The following GRID2 variants were observed in gnomAD, a reference collection of about 807,000 sequenced individuals.
GRID2 encodes the protein glutamate ionotropic receptor delta type subunit 2.
In GRID2, 33 loss-of-function variants were observed where a neutral mutation model predicts 114.8. The observed-to-expected ratio is 0.29, with a 90% CI of 0.22 to 0.38. The LOEUF (loss-of-function observed/expected upper bound fraction) is 0.38. Ranked by LOEUF, GRID2 falls within the 10% of genes least tolerant of loss-of-function variation. The pLI, the probability that GRID2 is intolerant of heterozygous loss-of-function variation, is 1.00. For missense variants in GRID2, 1,184 were observed against 1,257.7 expected (o/e 0.94, Z 0.89); for synonymous variants, 505 against 449.9 (o/e 1.12, Z -1.55).
intron 2 of GRID2, among the ~76,000 whole-genome samples, chr4:92,834,289 G>A (rs1742309373): frequency 1.3e-5 from 2 of 152,056 alleles, no homozygotes; most frequent in South Asian, 4.2e-4. Flanking sequence ...TTTTGTCTAA[G>A]GAATTTCATT....
intron 1 of GRID2, among the ~76,000 whole-genome samples, chr4:92,439,582 G>T (rs867540549): frequency 8.7e-5 from 13 of 149,340 alleles, no homozygotes; most frequent in Middle Eastern, 3.5e-3. Context: ...CTGAAGGGAG[G>T]TCTTGTGGTA....
chr4:92,370,423 G>A (rs905332921), intron 1 of GRID2, among the ~76,000 whole-genome samples: 9 of 152,118 alleles, frequency 5.9e-5, no homozygotes, highest in African/African-American at 7.2e-5. Context: ...AGGCTGAGGC[G>A]GGCGGATCAC....
At chr4:92,997,798 T>C (rs1414635746) in intron 2 of GRID2, among the ~76,000 whole-genome samples, 2 of 152,198 alleles carry the variant, frequency 1.3e-5, no homozygotes, top group African/African-American at 2.4e-5. Flanking sequence ...TTACTAGTTG[T>C]GTGATACCAG....
chr4:93,492,092 A>G (rs1382017411), intron 12 of GRID2, among the ~76,000 whole-genome samples: 2 of 151,862 alleles, frequency 1.3e-5, no homozygotes, highest in Non-Finnish European at 2.9e-5. Flanking sequence ...TGAAACTTAT[A>G]CCATTGATGG....
At chr4:92,847,702 A>G (rs985591802) in intron 2 of GRID2, among the ~76,000 whole-genome samples, 3 of 152,164 alleles carry the variant, frequency 2.0e-5, no homozygotes, top group South Asian at 2.1e-4. Context: ...TACTTAGTCT[A>G]GTGTCATAAA....
chr4:93,448,499 C>T (rs565531248), intron 10 of GRID2, among the ~76,000 whole-genome samples: 6 of 152,042 alleles, frequency 3.9e-5, no homozygotes, highest in Admixed American at 3.9e-4. Flanking sequence ...ATACATGGAA[C>T]ATTGACAAAA....
chr4:93,745,191 A>G (rs987985603), intron 14 of GRID2, among the ~76,000 whole-genome samples: 7 of 152,076 alleles, frequency 4.6e-5, no homozygotes, highest in Non-Finnish European at 1.0e-4. Context: ...CATTTTTTTC[A>G]TGACCAACTG....
rs938617672 is a variant in GRID2, at chr4:92,993,029, A to G, written c.245-91966A>G. The stretch of plus-strand genomic sequence containing the variant: ...ACTCTGCAGCATATTAGATAAAATA[A>G]TCAATATGCTCAGGTTGAAAAATTA... On this transcript the variant is annotated intron_variant, in intron 2 of 15. Transcript: ENST00000282020. 1.1e-4 allele frequency among the ~76,000 whole-genome samples: 16 copies of G among 152,222 alleles called. No individual in the cohort carries two copies. The South Asian group carries it at 3.3e-3, about 32-fold the overall frequency.
At chr4:93,671,823 A>C (rs976927485) in intron 14 of GRID2, among the ~76,000 whole-genome samples, 17 of 151,784 alleles carry the variant, frequency 1.1e-4, no homozygotes, top group African/African-American at 3.9e-4. Context: ...ACAAAAAAAA[A>C]AATTTTGCCA....
intron 2 of GRID2, among the ~76,000 whole-genome samples, chr4:92,842,980 G>A (rs898220689): frequency 2.0e-5 from 3 of 152,056 alleles, no homozygotes; most frequent in Admixed American, 6.6e-5. Context: ...GTTTTACACC[G>A]GTAATGTAAG....
intron 11 of GRID2, among the ~76,000 whole-genome samples, chr4:93,464,799 C>T (rs1359661112): frequency 2.0e-5 from 3 of 152,076 alleles, no homozygotes; most frequent in African/African-American, 7.2e-5. Context: ...TATAGAGTCT[C>T]TTTATATTTA....
chr4:93,602,697 CCT>C (rs1468689682), intron 13 of GRID2, among the ~76,000 whole-genome samples: 1 of 152,134 alleles, frequency 6.6e-6, no homozygotes, highest in African/African-American at 2.4e-5. Flanking sequence ...CTCCCTAATC[CCT>C]GAGACATAGC....
chr4:92,432,663 G>A (rs1460116133), intron 1 of GRID2, among the ~76,000 whole-genome samples: 1 of 152,152 alleles, frequency 6.6e-6, no homozygotes, highest in East Asian at 1.9e-4. Context: ...GTGGCACAGT[G>A]CAAGTCCAGA....
At chr4:92,657,612 A>G (rs2149266600) in intron 2 of GRID2, among the ~76,000 whole-genome samples, 2 of 151,846 alleles carry the variant, frequency 1.3e-5, no homozygotes, top group South Asian at 4.1e-4. Context: ...TGCCAGAGTT[A>G]ACTTTATCAG....
Position 92,602,272 on chromosome 4 carries a change from A to G in GRID2, c.244+11986A>G, listed in dbSNP as rs573054389. Among the ~76,000 whole-genome samples, 4 of 152,200 alleles carry G rather than the reference A, an allele frequency of 2.6e-5. No individual in the cohort carries two copies. The South Asian group carries it at 6.2e-4, about 24-fold the overall frequency. ...AAAAAAGAAAAAGCTTCAGGCCAGT[A>G]TCCCTGATGAACATCGATGTAAAAA... On this transcript the variant is annotated intron_variant, in intron 2 of 15. Coordinates refer to ENST00000282020, the MANE Select transcript of GRID2 (RefSeq NM_001510.4).
intron 1 of GRID2, among the ~76,000 whole-genome samples, chr4:92,359,066 T>G (rs1728480954): frequency 6.6e-6 from 1 of 152,024 alleles, no homozygotes; most frequent in Middle Eastern, 3.4e-3. Context: ...GTAGTTAAAT[T>G]TTTTAGTAGA....
chr4:93,726,643 T>A (rs974106414), intron 14 of GRID2, among the ~76,000 whole-genome samples: 5 of 152,212 alleles, frequency 3.3e-5, no homozygotes, highest in Non-Finnish European at 5.9e-5. Flanking sequence ...CATTTGTTTG[T>A]ATCCTCTTTT....
chr4:92,703,140 T>C (rs1734765682), intron 2 of GRID2, among the ~76,000 whole-genome samples: 1 of 152,198 alleles, frequency 6.6e-6, no homozygotes, highest in Non-Finnish European at 1.5e-5. Context: ...GAAATAACTA[T>C]TTTATATATG....
intron 4 of GRID2, among the ~76,000 whole-genome samples, chr4:93,169,875 A>T (rs1010999262): frequency 1.3e-5 from 2 of 152,230 alleles, no homozygotes; most frequent in African/African-American, 2.4e-5. Flanking sequence ...TATCTGTAAA[A>T]ATTCTCACTG....
Sources: allele counts gnomAD v4.1 joint callset (sites outside exome capture counted in the v4.1 genomes callset), GRCh38; gene constraint gnomAD v4.1.1; transcripts MANE v1.5; gene names NCBI Gene and HGNC (gene_info 2026-07-23, HGNC 2026-07-21).